Variants in GLRA3 observed in about 807,000 individuals in gnomAD.
GLRA3 encodes the protein glycine receptor alpha 3, also known as glycine receptor subunit alpha-3.
GLRA3 carries 44 observed loss-of-function variants against 60.4 expected under a neutral mutation model. The observed-to-expected ratio is 0.73, with a 90% CI of 0.57 to 0.94. The LOEUF (loss-of-function observed/expected upper bound fraction) is 0.94. Ranked by LOEUF, GLRA3 falls within the 40% of genes least tolerant of loss-of-function variation. The probability of loss-of-function intolerance (pLI) is 0.00; values close to 1 mark genes in which losing one functional copy is unlikely to be tolerated. For missense variants in GLRA3, 508 were observed against 564.6 expected (o/e 0.90, Z 1.02); for synonymous variants, 223 against 192.9 (o/e 1.16, Z -1.29).
intron 4 of GLRA3, among the ~76,000 whole-genome samples, chr4:174,722,052 C>T (rs986918079): frequency 5.3e-5 from 8 of 151,954 alleles, no homozygotes; most frequent in Non-Finnish European, 7.4e-5. Flanking sequence ...GTATATCTAT[C>T]TATATCTATA....
At chr4:174,686,201 T>C (rs1437415901) in intron 5 of GLRA3, among the ~76,000 whole-genome samples, 1 of 152,226 alleles carries the variant, frequency 6.6e-6, no homozygotes, top group East Asian at 1.9e-4. Context: ...TGGTTGTTAA[T>C]GATAACAACT....
At chr4:174,683,170 G>A (rs1047761128) in intron 5 of GLRA3, among the ~76,000 whole-genome samples, 1 of 152,056 alleles carries the variant, frequency 6.6e-6, no homozygotes, top group African/African-American at 2.4e-5. Context: ...CTCATTAAAA[G>A]TATACCATGG....
At chr4:174,733,687 C>T (rs1736651495) in intron 3 of GLRA3, among the ~76,000 whole-genome samples, 1 of 152,192 alleles carries the variant, frequency 6.6e-6, no homozygotes, top group South Asian at 2.1e-4. Flanking sequence ...CCTGCCTTTG[C>T]AGAAGAAACC....
chr4:174,745,275 A>T (rs910350013), intron 3 of GLRA3, among the ~76,000 whole-genome samples: 2 of 152,222 alleles, frequency 1.3e-5, no homozygotes, highest in African/African-American at 4.8e-5. Context: ...ATATTTAGAC[A>T]TCCATATACA....
intron 5 of GLRA3, among the ~76,000 whole-genome samples, chr4:174,698,734 T>C (rs980768790): frequency 1.3e-5 from 2 of 152,190 alleles, no homozygotes; most frequent in Admixed American, 6.5e-5. Context: ...TAAAATTATA[T>C]ATTTTGTGTG....
intron 5 of GLRA3, among the ~76,000 whole-genome samples, chr4:174,690,569 G>A (rs74452003): frequency 0.18 from 26,990 of 151,974 alleles, 2,657 homozygotes; most frequent in East Asian, 0.39. Flanking sequence ...GTAAACACAT[G>A]TCACAGGGCT....
At chr4:174,727,670 G>T (rs1273112209) in intron 4 of GLRA3, among the ~76,000 whole-genome samples, 1 of 152,044 alleles carries the variant, frequency 6.6e-6, no homozygotes, top group African/African-American at 2.4e-5. Context: ...CATGTAAGTA[G>T]CTATTTACTG....
At chr4:174,826,722 A>T (rs984669942) in intron 1 of GLRA3, among the ~76,000 whole-genome samples, 2 of 152,170 alleles carry the variant, frequency 1.3e-5, no homozygotes, top group Non-Finnish European at 2.9e-5. Context: ...AAATTTAAAA[A>T]TATGTTAAGA....
At chr4:174,786,054 A>G (rs1459853960) in intron 2 of GLRA3, among the ~76,000 whole-genome samples, 2 of 150,666 alleles carry the variant, frequency 1.3e-5, no homozygotes, top group Non-Finnish European at 3.0e-5. Flanking sequence ...GAGGCATGAG[A>G]CCCATTCTTC....
intron 5 of GLRA3, among the ~76,000 whole-genome samples, chr4:174,700,582 G>A (rs528083026): frequency 6.6e-6 from 1 of 152,126 alleles, no homozygotes; most frequent in Non-Finnish European, 1.5e-5. Flanking sequence ...AGCTAGAAAT[G>A]GTTAAGCTTA....
At chr4:174,766,904 C>T in intron 3 of GLRA3, 59 bp downstream of exon 3, 1 of 793,048 alleles carries the variant, frequency 1.3e-6, no homozygotes, top group East Asian at 2.6e-5. Context: ...TAAAATGTTG[C>T]CATTAATGTA....
At chr4:174,672,853 C>T (rs557464356) in intron 7 of GLRA3, among the ~76,000 whole-genome samples, 1 of 152,178 alleles carries the variant, frequency 6.6e-6, no homozygotes, top group Admixed American at 6.5e-5. Context: ...TTTGGATAAA[C>T]TTGAATCTAG....
rs746585506 is a variant in GLRA3 at position 174,715,525 on chromosome 4, G to T, written c.537C>A (p.Pro179=). ...LSCPMDLKNF[P]MDVQTCIMQL... ...GCATTATACATGTTTGTACATCCAT[G>T]GGAAAATTCTTGAGATCCATTGGAC... Residue 179 remains proline (P), a synonymous_variant, in exon 5 of 10, where the codon CCC becomes CCA. Transcript: ENST00000274093. The T allele has an allele frequency of 1.9e-6, 3 of 1,563,222 alleles. No homozygotes were observed. Among genetic ancestry groups the T allele is most frequent in the Admixed American group, 3.4e-5 (2 of 59,130 alleles).
At chr4:174,758,129 A>G (rs565833493) in intron 3 of GLRA3, among the ~76,000 whole-genome samples, 1 of 152,206 alleles carries the variant, frequency 6.6e-6, no homozygotes, top group East Asian at 1.9e-4. Flanking sequence ...TGAACAGCCT[A>G]CAGAACTATG....
intron 7 of GLRA3, among the ~76,000 whole-genome samples, chr4:174,661,490 C>T (rs1733437875): frequency 6.6e-6 from 1 of 152,172 alleles, no homozygotes; most frequent in African/African-American, 2.4e-5. Context: ...GATCATTCAC[C>T]TCATTTTTGG....
chr4:174,657,454 C>G (rs895541889), intron 8 of GLRA3, among the ~76,000 whole-genome samples: 1 of 152,028 alleles, frequency 6.6e-6, no homozygotes, highest in Non-Finnish European at 1.5e-5. Context: ...ACCAAAATGA[C>G]AAAAAGCAAA....
At position 174,828,775 on chromosome 4, in the gene GLRA3, C is replaced by T; in HGVS notation, c.37G>A (p.Gly13Arg). Residue 13 changes from glycine (G) to arginine (R), a missense_variant, in exon 1 of 10, where the codon GGA becomes AGA. Coordinates refer to ENST00000274093, the MANE Select transcript of GLRA3 (RefSeq NM_006529.4). ...HVRHFRTLVS[G>R]FYFWEAALLL... is the part of the protein sequence containing the mutation. ...AGTGCTGCTTCCCAGAAGTAAAATC[C>T]CGAAACTAATGTCCGAAAGTGTCTC... The T allele has an allele frequency of 6.2e-7, 1 of 1,612,564 alleles. No homozygotes were observed. The highest frequency in any genetic ancestry group is 8.5e-7 in the Non-Finnish European group (1 of 1,178,604).
At chr4:174,816,571 A>G (rs1283654778) in intron 1 of GLRA3, among the ~76,000 whole-genome samples, 2 of 151,776 alleles carry the variant, frequency 1.3e-5, no homozygotes, top group Non-Finnish European at 2.9e-5. Flanking sequence ...AAAAGAATAA[A>G]TATGATTATC....
At chr4:174,671,518 A>C (rs1014014951) in intron 7 of GLRA3, among the ~76,000 whole-genome samples, 4 of 152,222 alleles carry the variant, frequency 2.6e-5, no homozygotes, top group Admixed American at 6.5e-5. Context: ...TCTGTGTGCC[A>C]ACACAATTGT....
Sources: allele counts gnomAD v4.1 joint callset (sites outside exome capture counted in the v4.1 genomes callset), GRCh38; gene constraint gnomAD v4.1.1; transcripts MANE v1.5; gene names NCBI Gene and HGNC (gene_info 2026-07-23, HGNC 2026-07-21).